Variants in ADGRL2 observed in about 807,000 individuals in gnomAD.
The protein encoded by ADGRL2 is calcium-independent alpha-latrotoxin receptor 2.
A neutral mutation model predicts 157.4 loss-of-function variants in ADGRL2; 44 were observed. The ratio of observed to expected loss-of-function variants is 0.28; its 90% CI spans 0.22 to 0.36. The LOEUF (loss-of-function observed/expected upper bound fraction) is 0.36, where lower values mean the gene tolerates loss of function less well. ADGRL2 is among the 10% of genes least tolerant of loss of function. The probability of loss-of-function intolerance (pLI) is 1.00; values close to 1 mark genes in which losing one functional copy is unlikely to be tolerated. For missense variants in ADGRL2, 1,510 were observed against 1,768.9 expected (o/e 0.85, Z 2.63); for synonymous variants, 585 against 624.7 (o/e 0.94, Z 0.95).
At chr1:81,342,656 G>C (rs1010821976) in intron 1 of ADGRL2, among the ~76,000 whole-genome samples, 1 of 151,992 alleles carries the variant, frequency 6.6e-6, no homozygotes, top group Admixed American at 6.5e-5. Flanking sequence ...TTTCCATTAA[G>C]TAACTTATTT....
intron 23 of ADGRL2, among the ~76,000 whole-genome samples, chr1:81,988,715 A>G (rs915894411): frequency 6.6e-6 from 1 of 152,178 alleles, no homozygotes; most frequent in African/African-American, 2.4e-5. Context: ...AATTTGCCCA[A>G]CAATGATCAC....
intron 2 of ADGRL2, among the ~76,000 whole-genome samples, chr1:81,467,836 T>C (rs932618190): frequency 6.6e-6 from 1 of 151,340 alleles, no homozygotes; most frequent in African/African-American, 2.4e-5. Context: ...AAAGGAACAA[T>C]ATATGTAAGA....
At chr1:81,561,662 G>T (rs1404380333) in intron 2 of ADGRL2, among the ~76,000 whole-genome samples, 2 of 151,970 alleles carry the variant, frequency 1.3e-5, no homozygotes, top group African/African-American at 2.4e-5. Flanking sequence ...GTTTCACCAT[G>T]TTGGCCAGGC....
At chr1:81,330,175 C>T (rs1015021880) in intron 1 of ADGRL2, among the ~76,000 whole-genome samples, 1 of 152,064 alleles carries the variant, frequency 6.6e-6, no homozygotes, top group Non-Finnish European at 1.5e-5. Flanking sequence ...AGCATCTCAT[C>T]ATCATGATGA....
At chr1:81,629,759 A>G (rs2148748965) in intron 3 of ADGRL2, among the ~76,000 whole-genome samples, 1 of 151,662 alleles carries the variant, frequency 6.6e-6, no homozygotes. Context: ...GTGTATATAT[A>G]TGTATATATA....
chr1:81,747,309 T>TA lies in ADGRL2; in HGVS notation c.-142-14502_-142-14501insA, dbSNP rs1557616880. 3.3e-3 allele frequency among the ~76,000 whole-genome samples: 473 copies of TA among 143,914 alleles called. 4 individuals are homozygous for TA. Among genetic ancestry groups the TA allele is most frequent in the African/African-American group, 0.011 (420 of 38,740 alleles). The allele number at this position is 143,914 out of a possible 152,430, so 94.4% of individuals were successfully genotyped here. On this transcript the variant is annotated intron_variant, in intron 1 of 20. Transcript: ENST00000359929. ...CATACATGTGTATATATATATATAT[T>TA]TTTTTTTTTGAGATGGAGTCTTGCT... is the stretch of plus-strand genomic sequence containing the variant.
At chr1:81,829,774 C>T (rs2091804377) in intron 1 of ADGRL2, among the ~76,000 whole-genome samples, 2 of 152,080 alleles carry the variant, frequency 1.3e-5, no homozygotes, top group Non-Finnish European at 2.9e-5. Flanking sequence ...GAATCAGGAC[C>T]ATAAATTTAT....
chr1:81,755,652 C>A (rs963410442), intron 1 of ADGRL2, among the ~76,000 whole-genome samples: 1 of 152,122 alleles, frequency 6.6e-6, no homozygotes. Context: ...AGCACCAAAT[C>A]TATGAAATAT....
At chr1:81,712,238 G>T (rs1314376027) in intron 1 of ADGRL2, among the ~76,000 whole-genome samples, 1 of 152,182 alleles carries the variant, frequency 6.6e-6, no homozygotes, top group African/African-American at 2.4e-5. Flanking sequence ...GGAAGGACCT[G>T]GATGGTTGCA....
intron 1 of ADGRL2, among the ~76,000 whole-genome samples, chr1:81,713,940 C>T (rs1232727739): frequency 6.6e-6 from 1 of 152,132 alleles, no homozygotes; most frequent in East Asian, 1.9e-4. Context: ...TCTCACAGTT[C>T]CACATGGCTG....
chr1:81,884,205 T>C (rs1043481778), intron 2 of ADGRL2, among the ~76,000 whole-genome samples: 5 of 152,126 alleles, frequency 3.3e-5, no homozygotes, highest in African/African-American at 1.2e-4. Context: ...AGGCTGGTCT[T>C]GAACTCCTGA....
intron 2 of ADGRL2, among the ~76,000 whole-genome samples, chr1:81,458,495 G>T (rs1015039751): frequency 1.3e-5 from 2 of 152,128 alleles, no homozygotes; most frequent in African/African-American, 4.8e-5. Context: ...TTTCCCAGTG[G>T]GAAATCTCTG....
At chr1:81,873,574 G>A (rs1159458055) in intron 2 of ADGRL2, among the ~76,000 whole-genome samples, 1 of 152,066 alleles carries the variant, frequency 6.6e-6, no homozygotes, top group African/African-American at 2.4e-5. Flanking sequence ...CCCAGCTAAG[G>A]TAATCAGAAC....
At chr1:81,505,969 A>G (rs2078967419) in intron 2 of ADGRL2, 2 of 215,628 alleles carry the variant, frequency 9.3e-6, no homozygotes, top group Admixed American at 5.2e-5. Context: ...CGTAAATCAG[A>G]TCCTTTCCCT....
At chr1:81,586,961 G>A (rs905438760) in intron 3 of ADGRL2, among the ~76,000 whole-genome samples, 3 of 152,070 alleles carry the variant, frequency 2.0e-5, no homozygotes, top group South Asian at 2.1e-4. Context: ...GACTGACGCT[G>A]TGGAGTGTCA....
chr1:81,470,921 T>C (rs2078157872), intron 2 of ADGRL2, among the ~76,000 whole-genome samples: 1 of 152,238 alleles, frequency 6.6e-6, no homozygotes, highest in African/African-American at 2.4e-5. Flanking sequence ...TTGGTTTCCC[T>C]GAGTTTGGAC....
chr1:81,914,175 A>G (rs1296185492), intron 3 of ADGRL2, among the ~76,000 whole-genome samples: 2 of 152,112 alleles, frequency 1.3e-5, no homozygotes, highest in Non-Finnish European at 2.9e-5. Context: ...AGTCCTCTCA[A>G]CTTTTTACAT....
intron 2 of ADGRL2, among the ~76,000 whole-genome samples, chr1:81,579,535 A>G (rs1427199000): frequency 1.3e-5 from 2 of 152,164 alleles, no homozygotes; most frequent in African/African-American, 4.8e-5. Context: ...TTAAGAGAAT[A>G]TATTTGATGG....
At chr1:81,466,689 A>ACG (rs899318420) in intron 2 of ADGRL2, among the ~76,000 whole-genome samples, 9 of 151,404 alleles carry the variant, frequency 5.9e-5, no homozygotes, top group African/African-American at 2.2e-4. Context: ...GCACACACAC[A>ACG]CACATACACA....
Sources: gnomAD v4.1 joint callset for allele counts (sites outside exome capture counted in the v4.1 genomes callset) on GRCh38, gnomAD v4.1.1 for gene constraint, MANE v1.5 for transcripts, NCBI Gene and HGNC (gene_info 2026-07-23, HGNC 2026-07-21) for gene names.